Variants in UNC5C observed in about 807,000 individuals in gnomAD.
The protein encoded by UNC5C is unc-5 netrin receptor C, also known as netrin receptor UNC5C.
In UNC5C, 47 loss-of-function variants were observed where a neutral mutation model predicts 99.8. That is an observed-to-expected ratio of 0.47 (90% CI 0.37 to 0.60). The LOEUF (loss-of-function observed/expected upper bound fraction) is 0.60. Among genes scored for constraint, UNC5C ranks in the 20% least tolerant of loss-of-function variants. The pLI is 0.00. For synonymous variants in UNC5C, 487 were observed against 452.2 expected, an observed-to-expected ratio of 1.08 and a Z score of -0.98; for missense variants, 1,062 against 1,165.9, an observed-to-expected ratio of 0.91 and a Z score of 1.30.
Position 95,181,097 on chromosome 4 carries a change from G to C in UNC5C, c.2451+1800C>G, listed in dbSNP as rs142982030. ...AACAGTGGGATTCAGTGACCCAGAA[G>C]GAAAAGCCGCAGAGTGCCCCTTAAT... On this transcript the variant is annotated intron_variant, in intron 14 of 15. Coordinates refer to ENST00000453304, the MANE Select transcript of UNC5C (RefSeq NM_003728.4). 2.9e-3 allele frequency among the ~76,000 whole-genome samples: 438 copies of C among 152,186 alleles called. 1 individual carries two copies. The highest frequency in any genetic ancestry group is 9.6e-3 in the African/African-American group (399 of 41,528).
At chr4:95,209,582 A>G (rs1040797105) in intron 10 of UNC5C, among the ~76,000 whole-genome samples, 3 of 152,194 alleles carry the variant, frequency 2.0e-5, no homozygotes, top group Non-Finnish European at 4.4e-5. Context: ...CATTATAGCT[A>G]AAGTTATTTA....
intron 4 of UNC5C, among the ~76,000 whole-genome samples, chr4:95,263,173 G>A (rs72881280): frequency 0.034 from 5,166 of 152,202 alleles, 287 homozygotes; most frequent in African/African-American, 0.12. Context: ...GTAATGTTGA[G>A]TAAGACATCA....
At chr4:95,399,568 C>G (rs1745626631) in intron 1 of UNC5C, among the ~76,000 whole-genome samples, 1 of 152,202 alleles carries the variant, frequency 6.6e-6, no homozygotes, top group Non-Finnish European at 1.5e-5. Context: ...GGCATATTCT[C>G]TATTTACACT....
chr4:95,500,914 T>G (rs1721760953), intron 1 of UNC5C, among the ~76,000 whole-genome samples: 1 of 152,122 alleles, frequency 6.6e-6, no homozygotes, highest in Non-Finnish European at 1.5e-5. Context: ...CATGTGCTAT[T>G]ACATGGAAAA....
intron 1 of UNC5C, among the ~76,000 whole-genome samples, chr4:95,443,271 C>T (rs1374584762): frequency 4.6e-5 from 7 of 152,102 alleles, no homozygotes; most frequent in African/African-American, 1.4e-4. Context: ...CACAGCCAGG[C>T]AAGGGACATC....
At chr4:95,423,130 A>G (rs1294469540) in intron 1 of UNC5C, among the ~76,000 whole-genome samples, 3 of 152,192 alleles carry the variant, frequency 2.0e-5, no homozygotes, top group Non-Finnish European at 4.4e-5. Context: ...CATTGCAACC[A>G]TAACACTTAC....
chr4:95,251,837 A>G (rs965521528), intron 4 of UNC5C, among the ~76,000 whole-genome samples: 2 of 152,182 alleles, frequency 1.3e-5, no homozygotes, highest in Non-Finnish European at 1.5e-5. Flanking sequence ...ACTCTCAAAT[A>G]ATGCTCCTCT....
At chr4:95,397,784 T>C (rs1745559082) in intron 1 of UNC5C, among the ~76,000 whole-genome samples, 1 of 152,174 alleles carries the variant, frequency 6.6e-6, no homozygotes, top group Admixed American at 6.5e-5. Flanking sequence ...CTATTTGACA[T>C]AGACTTTACA....
At chr4:95,517,054 C>T (rs1292053188) in intron 1 of UNC5C, among the ~76,000 whole-genome samples, 2 of 152,108 alleles carry the variant, frequency 1.3e-5, no homozygotes, top group African/African-American at 2.4e-5. Context: ...CTAGGGATAA[C>T]ATCAATTTTG....
At chr4:95,539,547 A>T (rs973634681) in intron 1 of UNC5C, among the ~76,000 whole-genome samples, 5 of 152,320 alleles carry the variant, frequency 3.3e-5, no homozygotes, top group African/African-American at 1.2e-4. Flanking sequence ...TAAGTTAAAA[A>T]GTTTTTTCCA....
chr4:95,172,453 C>T (rs1736161054), intron 14 of UNC5C, among the ~76,000 whole-genome samples: 1 of 152,236 alleles, frequency 6.6e-6, no homozygotes, highest in South Asian at 2.1e-4. Context: ...CAGCTTTCTA[C>T]ATATGGTTAG....
chr4:95,548,066 A>G (rs58616174), intron 1 of UNC5C, among the ~76,000 whole-genome samples: 44,998 of 152,102 alleles, frequency 0.3, 7,178 homozygotes, highest in African/African-American at 0.4. Flanking sequence ...CCTGGTGGGA[A>G]GCAGGCATGA....
chr4:95,264,110 G>A (rs1186161680), intron 4 of UNC5C, among the ~76,000 whole-genome samples: 1 of 152,128 alleles, frequency 6.6e-6, no homozygotes, highest in Non-Finnish European at 1.5e-5. Context: ...TATGCTCTGG[G>A]GTGAGGATGC....
At chr4:95,535,816 G>A (rs1020247738) in intron 1 of UNC5C, among the ~76,000 whole-genome samples, 3 of 151,570 alleles carry the variant, frequency 2.0e-5, no homozygotes, top group Non-Finnish European at 4.4e-5. Context: ...ACACACGGGT[G>A]CACACATACA....
chr4:95,512,652 C>T (rs1404557422), intron 1 of UNC5C, among the ~76,000 whole-genome samples: 1 of 152,140 alleles, frequency 6.6e-6, no homozygotes, highest in Non-Finnish European at 1.5e-5. Context: ...CTAAAATTTA[C>T]CATCTCTGAC....
intron 1 of UNC5C, among the ~76,000 whole-genome samples, chr4:95,434,403 A>T (rs1746717195): frequency 6.6e-6 from 1 of 152,142 alleles, no homozygotes; most frequent in Non-Finnish European, 1.5e-5. Context: ...AAACAGATAC[A>T]TATAATACAG....
intron 7 of UNC5C, among the ~76,000 whole-genome samples, chr4:95,239,151 T>C (rs1473211610): frequency 2.0e-5 from 3 of 152,188 alleles, no homozygotes. Flanking sequence ...TGTCTTAGAC[T>C]AATGAACTTA....
chr4:95,404,865 A>C lies in UNC5C; in HGVS notation c.125-69234T>G, dbSNP rs527312090. 2.4e-4 allele frequency among the ~76,000 whole-genome samples: 36 copies of C among 152,320 alleles called. 1 individual carries two copies. Among genetic ancestry groups the C allele is most frequent in the Middle Eastern group, 3.4e-3 (1 of 294 alleles). On this transcript the variant is annotated intron_variant, in intron 1 of 15. Coordinates refer to ENST00000453304, the MANE Select transcript of UNC5C (RefSeq NM_003728.4). ...CAGATGGATGGTGGAACAACGTGGC[A>C]GAGAAAGGGAGAAAAGGAGGAAGAT...
At chr4:95,177,169 T>C (rs13139538) in intron 14 of UNC5C, among the ~76,000 whole-genome samples, 70,044 of 152,052 alleles carry the variant, frequency 0.46, 17,654 homozygotes, top group Admixed American at 0.59. Flanking sequence ...ATGAACCCGG[T>C]ACCTCAGATG....
Sources: gnomAD v4.1 joint callset for allele counts (sites outside exome capture counted in the v4.1 genomes callset) on GRCh38, gnomAD v4.1.1 for gene constraint, MANE v1.5 for transcripts, NCBI Gene and HGNC (gene_info 2026-07-23, HGNC 2026-07-21) for gene names.